The following RIMS3 variants were observed in gnomAD, a reference collection of about 807,000 sequenced individuals.
RIMS3 encodes regulating synaptic membrane exocytosis protein 3.
In RIMS3, 15 loss-of-function variants were observed where a neutral mutation model predicts 29.2. The ratio of observed to expected loss-of-function variants is 0.51; its 90% confidence interval spans 0.34 to 0.79. The LOEUF (loss-of-function observed/expected upper bound fraction) is 0.79. Among genes scored for constraint, RIMS3 ranks in the 30% least tolerant of loss-of-function variants. RIMS3 has a pLI of 0.01. For synonymous variants in RIMS3, 161 were observed against 170.1 expected, an observed-to-expected ratio of 0.95 and a Z score of 0.41; for missense variants, 342 against 421.4, an observed-to-expected ratio of 0.81 and a Z score of 1.65.
intron 2 of RIMS3, among the ~76,000 whole-genome samples, chr1:40,645,798 T>C (rs551876069): frequency 3.3e-5 from 5 of 152,186 alleles, no homozygotes; most frequent in African/African-American, 1.2e-4. Flanking sequence ...GAATAATAAA[T>C]GGAATTGACA....
intron 1 of RIMS3, among the ~76,000 whole-genome samples, chr1:40,649,933 A>G (rs1570191873): frequency 6.6e-6 from 1 of 152,160 alleles, no homozygotes; most frequent in Non-Finnish European, 1.5e-5. Flanking sequence ...AAGGCAATAC[A>G]GACTCCAGAC....
the RIMS3 span, chr1:40,691,016 G>T: frequency 6.6e-6 from 1 of 152,180 alleles, no homozygotes; most frequent in African/African-American, 2.4e-5. Context: ...TTTATCATTT[G>T]TAAAATGGAT....
intron 1 of RIMS3, among the ~76,000 whole-genome samples, chr1:40,650,531 T>G (rs1283931531): frequency 2.6e-5 from 4 of 152,080 alleles, no homozygotes; most frequent in African/African-American, 9.7e-5. Context: ...GCCCCTACTC[T>G]GTATTCCAGC....
intron 1 of RIMS3, among the ~76,000 whole-genome samples, chr1:40,648,074 T>C (rs1249696106): frequency 6.6e-6 from 1 of 152,138 alleles, no homozygotes; most frequent in Non-Finnish European, 1.5e-5. Flanking sequence ...CCCACAACTT[T>C]GAGATTTTTA....
intron 2 of RIMS3, among the ~76,000 whole-genome samples, chr1:40,646,922 C>T (rs1338434030): frequency 6.6e-6 from 1 of 151,474 alleles, no homozygotes; most frequent in African/African-American, 2.4e-5. Context: ...GCTCTGTCAC[C>T]CAGGCTAGAG....
chr1:40,682,741 C>CTTGTTTTTTTTTTTTTTTTTTTTTTTTTT, the RIMS3 span, among the ~76,000 whole-genome samples: 1 of 77,514 alleles, frequency 1.3e-5, no homozygotes, highest in African/African-American at 5.5e-5. Context: ...CTTTGCAGAT[C>CTTGTTTTTTTTTTTTTTTTTTTTTTTTTT]TTTTTTTTTT....
chr1:40,662,507 G>A (rs115245089), intron 1 of RIMS3, among the ~76,000 whole-genome samples: 2,827 of 152,302 alleles, frequency 0.019, 39 homozygotes, highest in Non-Finnish European at 0.031. Context: ...GAGGGCAGGG[G>A]CCGCCTGGCT....
In RIMS3 at chr1:40,641,820, C is replaced by T. The variant is rs374793507; in HGVS notation, c.106G>A (p.Gly36Arg). 8.1e-6 allele frequency: 13 copies of T among 1,612,826 alleles called. No individual in the cohort carries two copies. The highest frequency in any genetic ancestry group is 8.0e-5 in the African/African-American group (6 of 74,900). ...EICGSQQAGG[G>R]AGTTTAKKRR... Reference sequence around the variant, plus strand: ...TTCTTGGCGGTGGTGGTCCCAGCCCCGCCCCCGGCTTGCTGGGATCCGCAG... The same window carrying T: ...TTCTTGGCGGTGGTGGTCCCAGCCCTGCCCCCGGCTTGCTGGGATCCGCAG... Residue 36 changes from glycine to arginine, a missense_variant, in exon 3 of 8, where the codon GGG becomes AGG. Transcript: ENST00000372684.
At chr1:40,691,579 T>C in the RIMS3 span, 815 of 332,594 alleles carry the variant, frequency 2.5e-3, 5 homozygotes, top group African/African-American at 0.017. Context: ...CAGATCTCAT[T>C]CCGCCTCCCT....
At chr1:40,643,559 C>G (rs1025494901) in intron 2 of RIMS3, among the ~76,000 whole-genome samples, 51 of 151,192 alleles carry the variant, frequency 3.4e-4, no homozygotes, top group African/African-American at 1.2e-3. Flanking sequence ...TCACTGGAAC[C>G]TCTGCCACTC....
chr1:40,651,103 ATAAGT>A (rs1024350814), intron 1 of RIMS3, among the ~76,000 whole-genome samples: 30 of 152,232 alleles, frequency 2.0e-4, no homozygotes, highest in African/African-American at 7.2e-4. Context: ...CCTGTGTGTT[ATAAGT>A]TGAGTTGTGT....
At chr1:40,644,197 C>T (rs7520394) in intron 2 of RIMS3, among the ~76,000 whole-genome samples, 97,488 of 152,104 alleles carry the variant, frequency 0.64, 31,473 homozygotes, top group African/African-American at 0.69. Context: ...ACCTAGGGCC[C>T]GCCCTGCGCT....
upstream of RIMS3, among the ~76,000 whole-genome samples, chr1:40,670,444 C>G (rs1341137577): frequency 6.6e-6 from 1 of 151,494 alleles, no homozygotes; most frequent in East Asian, 1.9e-4. Context: ...GAAGTTGCTT[C>G]TCTGAGTTTC....
chr1:40,685,560 T>C, the RIMS3 span, among the ~76,000 whole-genome samples: 1 of 151,448 alleles, frequency 6.6e-6, no homozygotes, highest in Admixed American at 6.6e-5. Context: ...AGTCCTTGAG[T>C]CAAAGTCACC....
chr1:40,681,256 G>C, the RIMS3 span, among the ~76,000 whole-genome samples: 2 of 152,232 alleles, frequency 1.3e-5, no homozygotes, highest in Non-Finnish European at 2.9e-5. Flanking sequence ...CAGGGGTGTA[G>C]AGGTGAGCTC....
rs1646471921 is a variant in RIMS3 at position 40,629,079 on chromosome 1, G to A, written c.575-130C>T. On this transcript the variant is annotated intron_variant, in intron 6 of 7. Transcript: ENST00000372684. ...GAATGAGCCAGCCAGTGGACAGCAG[G>A]CAGAAGAGGTGACTCAAGTACTGAT... is the stretch of plus-strand genomic sequence containing the variant. 4.0e-6 allele frequency: 5 copies of A among 1,243,582 alleles called. No homozygotes were observed. In the South Asian group the frequency reaches 6.2e-5, roughly 15 times the overall value. 77.0% of individuals were successfully genotyped at this position (1,243,582 alleles called of 1,614,324 possible).
Position 40,626,691 on chromosome 1 carries a change from C to T in RIMS3, c.753G>A (p.Lys251=). The change falls in exon 8 of 8, where the codon AAG becomes AAA. Residue 251 remains lysine, a synonymous_variant. Coordinates refer to ENST00000372684, the MANE Select transcript of RIMS3 (RefSeq NM_014747.3). ...VWGDYGRMDH[K]CFMGMAQIML... ...TGATCTGGGCCATGCCCATGAAGCA[C>T]TTGTGGTCCATGCGGCCATAGTCTC... 6.2e-7 allele frequency: 1 copy of T among 1,614,192 alleles called. No individual in the cohort carries two copies. Among genetic ancestry groups the T allele is most frequent in the Non-Finnish European group, 8.5e-7 (1 of 1,180,032 alleles).
intron 1 of RIMS3, among the ~76,000 whole-genome samples, chr1:40,662,106 T>C (rs2148363051): frequency 6.6e-6 from 1 of 152,288 alleles, no homozygotes; most frequent in South Asian, 2.1e-4. Flanking sequence ...AATCTGATCT[T>C]GCCTTTTCTG....
the RIMS3 span, among the ~76,000 whole-genome samples, chr1:40,672,194 A>AT: frequency 0.38 from 40,595 of 106,828 alleles, 8,620 homozygotes; most frequent in African/African-American, 0.5. Context: ...TAGCTAGATG[A>AT]TTTTTTTTTT....
Sources: gnomAD v4.1 joint callset for allele counts (sites outside exome capture counted in the v4.1 genomes callset) on GRCh38, gnomAD v4.1.1 for gene constraint, MANE v1.5 for transcripts, NCBI Gene and HGNC (gene_info 2026-07-23, HGNC 2026-07-21) for gene names.